The following FRMD4B variants were observed in gnomAD, a reference collection of about 807,000 sequenced individuals.
FRMD4B encodes the protein FERM domain-containing protein 4B.
FRMD4B carries 74 observed loss-of-function variants against 141.5 expected under a neutral mutation model. That is an observed-to-expected ratio of 0.52 (90% CI 0.43 to 0.63). The LOEUF is 0.63. FRMD4B is among the 30% of genes least tolerant of loss of function. The pLI, the probability that FRMD4B is intolerant of heterozygous loss-of-function variation, is 0.00. For synonymous variants in FRMD4B, 506 were observed against 467.9 expected (o/e 1.08, Z -1.05); for missense variants, 1,366 against 1,253.4 (o/e 1.09, Z -1.36).
intron 17 of FRMD4B, among the ~76,000 whole-genome samples, chr3:69,191,347 G>A (rs2092834547): frequency 6.6e-6 from 1 of 152,158 alleles, no homozygotes; most frequent in Non-Finnish European, 1.5e-5. Flanking sequence ...TTGAACCTGG[G>A]AGGCGGAGGT....
At chr3:69,282,024 G>A (rs1435423433) in intron 5 of FRMD4B, among the ~76,000 whole-genome samples, 2 of 151,964 alleles carry the variant, frequency 1.3e-5, no homozygotes, top group African/African-American at 4.8e-5. Context: ...AACCCATTGA[G>A]AGCCACCCAG....
intron 22 of FRMD4B, among the ~76,000 whole-genome samples, chr3:69,174,822 A>C (rs896957134): frequency 1.3e-5 from 2 of 152,216 alleles, no homozygotes; most frequent in Admixed American, 1.3e-4. Context: ...CACAAACACG[A>C]AAATAATTTG....
At chr3:69,525,898 A>G (rs1317593282) in intron 1 of FRMD4B, among the ~76,000 whole-genome samples, 1 of 151,926 alleles carries the variant, frequency 6.6e-6, no homozygotes, top group Non-Finnish European at 1.5e-5. Flanking sequence ...GGCTCAATCA[A>G]TCTGCCTGTC....
intron 13 of FRMD4B, 163 bp downstream of exon 13, chr3:69,196,737 C>A: frequency 3.3e-6 from 2 of 613,206 alleles, no homozygotes; most frequent in Non-Finnish European, 5.6e-6. Context: ...ATATATTGCC[C>A]ATCATGTAAA....
At chr3:69,356,096 G>T (rs1010966700) in intron 1 of FRMD4B, among the ~76,000 whole-genome samples, 1 of 152,172 alleles carries the variant, frequency 6.6e-6, no homozygotes, top group Non-Finnish European at 1.5e-5. Flanking sequence ...AATAACTGGG[G>T]GTAGGGGGGA....
At chr3:69,180,708 T>C (rs1444476969) in intron 21 of FRMD4B, among the ~76,000 whole-genome samples, 191 bp downstream of exon 21, 1 of 152,164 alleles carries the variant, frequency 6.6e-6, no homozygotes, top group East Asian at 1.9e-4. Flanking sequence ...TAGACTCATG[T>C]GTACTGAGTT....
At chr3:69,313,961 A>C (rs1701700257) in intron 1 of FRMD4B, among the ~76,000 whole-genome samples, 2 of 148,294 alleles carry the variant, frequency 1.3e-5, no homozygotes, top group Non-Finnish European at 3.0e-5. Flanking sequence ...AACACGGTGA[A>C]ACCCCGTCTC....
At chr3:69,351,936 C>A (rs1401015938) in intron 1 of FRMD4B, among the ~76,000 whole-genome samples, 1 of 152,222 alleles carries the variant, frequency 6.6e-6, no homozygotes, top group Non-Finnish European at 1.5e-5. Flanking sequence ...CCACCCATCA[C>A]CCTGCCTCCT....
intron 1 of FRMD4B, among the ~76,000 whole-genome samples, chr3:69,366,532 A>G (rs1703662903): frequency 6.6e-6 from 1 of 152,176 alleles, no homozygotes; most frequent in Non-Finnish European, 1.5e-5. Context: ...AATTTATATT[A>G]TAATGATATG....
chr3:69,453,535 C>A (rs909962482), intron 1 of FRMD4B, among the ~76,000 whole-genome samples: 1 of 152,202 alleles, frequency 6.6e-6, no homozygotes, highest in Admixed American at 6.5e-5. Flanking sequence ...AACTCTGGCT[C>A]TCAAAGCTGC....
Position 69,170,411 on chromosome 3 carries a change from TTGC to T in FRMD4B, c.*1447_*1449del, listed in dbSNP as rs1334301020. On this transcript the variant is annotated 3_prime_UTR_variant, in exon 23 of 23. Coordinates refer to ENST00000398540, the MANE Select transcript of FRMD4B (RefSeq NM_015123.3). ...CAAAAAAGGAATAAGTTATTTTTTT[TTGC>T]TTGTCTTTTTTCCAAAATTTTTTCC... 3 of 151,818 alleles carry T rather than the reference TTGC, an allele frequency of 2.0e-5. No individual in the cohort carries two copies. Among genetic ancestry groups the T allele is most frequent in the African/African-American group, 7.3e-5 (3 of 41,336 alleles). 9.4% of individuals were successfully genotyped at this position (151,818 alleles called of 1,614,324 possible).
At chr3:69,223,563 G>C (rs1261554949) in intron 8 of FRMD4B, among the ~76,000 whole-genome samples, 1 of 152,036 alleles carries the variant, frequency 6.6e-6, no homozygotes, top group South Asian at 2.1e-4. Context: ...GCTTGGTCGG[G>C]CCCGGTGGCT....
At chr3:69,422,780 A>G (rs977111989) in intron 2 of FRMD4B, among the ~76,000 whole-genome samples, 1 of 149,264 alleles carries the variant, frequency 6.7e-6, no homozygotes, top group African/African-American at 2.5e-5. Flanking sequence ...TTTCCCATAC[A>G]ACCATTTAAA....
intron 4 of FRMD4B, among the ~76,000 whole-genome samples, chr3:69,298,692 C>T (rs914482849): frequency 1.3e-5 from 2 of 152,176 alleles, no homozygotes; most frequent in African/African-American, 4.8e-5. Flanking sequence ...CAGAAATGGG[C>T]CTGGGTCCTG....
chr3:69,439,054 T>C (rs986713913), intron 1 of FRMD4B, among the ~76,000 whole-genome samples: 23 of 46,806 alleles, frequency 4.9e-4, no homozygotes, highest in Admixed American at 1.7e-3. Flanking sequence ...CGTGTGCGTG[T>C]GTGTGTATGT....
chr3:69,253,464 C>T (rs1031790323), intron 5 of FRMD4B, among the ~76,000 whole-genome samples: 3 of 152,102 alleles, frequency 2.0e-5, no homozygotes, highest in African/African-American at 7.2e-5. Flanking sequence ...TATCAACATA[C>T]ACTCTCAAAG....
intron 1 of FRMD4B, among the ~76,000 whole-genome samples, chr3:69,499,051 A>T (rs930739268): frequency 1.3e-4 from 20 of 152,202 alleles, no homozygotes; most frequent in African/African-American, 4.8e-4. Context: ...TCCTTTGTAA[A>T]ACAAAGACAC....
intron 1 of FRMD4B, among the ~76,000 whole-genome samples, chr3:69,442,201 C>A (rs1347842104): frequency 6.6e-6 from 1 of 151,836 alleles, no homozygotes; most frequent in East Asian, 1.9e-4. Context: ...CCTAACTCAG[C>A]CCCCTGAGTA....
chr3:69,217,623 AAAAC>A (rs2093154860), intron 10 of FRMD4B, among the ~76,000 whole-genome samples: 1 of 152,222 alleles, frequency 6.6e-6, no homozygotes, highest in Admixed American at 6.5e-5. Context: ...CTCCATCTCA[AAAAC>A]AAACAACAAA....
Sources: allele counts gnomAD v4.1 joint callset (sites outside exome capture counted in the v4.1 genomes callset), GRCh38; gene constraint gnomAD v4.1.1; transcripts MANE v1.5; gene names NCBI Gene and HGNC (gene_info 2026-07-23, HGNC 2026-07-21).